B4GALT5: variants seen among roughly 807,000 people sequenced by gnomAD.
B4GALT5 encodes the protein beta-1,4-galactosyltransferase 5, also known as UDP-Gal:beta-GlcNAc beta-1,4-galactosyltransferase 5.
Under a neutral mutation model 45.0 loss-of-function variants are expected in B4GALT5, and 11 were observed. That is an observed-to-expected ratio of 0.24 (90% confidence interval 0.15 to 0.40). B4GALT5 has a LOEUF of 0.40. B4GALT5 is among the 10% of genes least tolerant of loss of function. B4GALT5 has a pLI of 1.00. For missense variants in B4GALT5, 337 were observed against 500.2 expected, an observed-to-expected ratio of 0.67 and a Z score of 3.11; for synonymous variants, 185 against 182.9, an observed-to-expected ratio of 1.01 and a Z score of -0.09.
At chr20:49,676,845 T>C (rs2085739497) in intron 1 of B4GALT5, among the ~76,000 whole-genome samples, 2 of 152,262 alleles carry the variant, frequency 1.3e-5, no homozygotes, top group Admixed American at 1.3e-4. Context: ...ACACATCCTC[T>C]GTGTCTAAGA....
Position 49,633,439 on chromosome 20 carries a change from G to GTTTGTT in B4GALT5, c.*2872_*2873insAACAAA, listed in dbSNP as rs1984427629. On this transcript the variant is annotated 3_prime_UTR_variant, in exon 9 of 9. Coordinates refer to ENST00000371711, the MANE Select transcript of B4GALT5 (RefSeq NM_004776.4). The stretch of plus-strand genomic sequence containing the variant: ...ATGCACAAGGTCACATTTGGTTCCT[G>GTTTGTT]TTTTTTTTTTTAACATGACAATTTC... The GTTTGTT allele has an allele frequency of 6.8e-6, 1 of 146,246 alleles. No homozygotes were observed. The highest frequency in any genetic ancestry group is 1.5e-5 in the Non-Finnish European group (1 of 66,606). 9.1% of individuals were successfully genotyped at this position (146,246 alleles called of 1,614,324 possible).
chr20:49,708,569 A>G (rs1011143028), intron 1 of B4GALT5, among the ~76,000 whole-genome samples: 4 of 152,344 alleles, frequency 2.6e-5, no homozygotes, highest in South Asian at 4.1e-4. Flanking sequence ...CAGGCCAAAA[A>G]TGTCAAAATC....
intron 1 of B4GALT5, among the ~76,000 whole-genome samples, chr20:49,696,703 A>G (rs751063323): frequency 1.3e-5 from 2 of 152,256 alleles, no homozygotes; most frequent in Non-Finnish European, 2.9e-5. Flanking sequence ...CACAAGTGAA[A>G]ACACTTGTGA....
chr20:49,691,249 GCTCACGC>G (rs765815284), intron 1 of B4GALT5, among the ~76,000 whole-genome samples: 3 of 152,170 alleles, frequency 2.0e-5, no homozygotes, highest in Non-Finnish European at 4.4e-5. Context: ...AGGAGCAGGG[GCTCACGC>G]CTGTAATCCC....
intron 1 of B4GALT5, among the ~76,000 whole-genome samples, chr20:49,690,560 A>AGG (rs529720451): frequency 1.4e-4 from 21 of 149,254 alleles, no homozygotes; most frequent in South Asian, 6.6e-4. Context: ...AAAAAAAAAA[A>AGG]GGGGGGGGTG....
chr20:49,707,148 T>C (rs2085887711), intron 1 of B4GALT5, among the ~76,000 whole-genome samples: 1 of 152,170 alleles, frequency 6.6e-6, no homozygotes, highest in Admixed American at 6.6e-5. Context: ...AACCAACCAC[T>C]TTCTTTCTAC....
chr20:49,635,533 C>G lies in B4GALT5; in HGVS notation c.*779G>C, dbSNP rs1349847573. ...GTGACATGCCCTATATCCACTCCCT[C>G]GCCAAAGTGACAGCAATTCGGGAGA... On this transcript the variant is annotated 3_prime_UTR_variant, in exon 9 of 9. Coordinates refer to ENST00000371711, the MANE Select transcript of B4GALT5 (RefSeq NM_004776.4). 6.6e-6 allele frequency: 1 copy of G among 152,336 alleles called. No homozygotes were observed. The highest frequency in any genetic ancestry group is 1.5e-5 in the Non-Finnish European group (1 of 68,042). The allele number at this position is 152,336 out of a possible 1,614,324, so 9.4% of individuals were successfully genotyped here.
chr20:49,642,147 C>CTGTA (rs2085579852), intron 5 of B4GALT5, among the ~76,000 whole-genome samples: 1 of 152,190 alleles, frequency 6.6e-6, no homozygotes, highest in Non-Finnish European at 1.5e-5. Context: ...ATCCTCTGTG[C>CTGTA]TGTACCTTGC....
At chr20:49,676,921 T>C (rs535228110) in intron 1 of B4GALT5, among the ~76,000 whole-genome samples, 2 of 152,386 alleles carry the variant, frequency 1.3e-5, no homozygotes, top group East Asian at 1.9e-4. Context: ...GGGATACTTC[T>C]GTATTCCACC....
chr20:49,694,837 G>GAT (rs1485544002), intron 1 of B4GALT5, among the ~76,000 whole-genome samples: 1 of 108,450 alleles, frequency 9.2e-6, no homozygotes, highest in African/African-American at 3.2e-5. Context: ...AAGACAGACA[G>GAT]ATACACACAC....
Position 49,664,421 on chromosome 20 carries a change from TACACACACACACACACAC to T in B4GALT5, c.116-7737_116-7720del, listed in dbSNP as rs55990435. Among the ~76,000 whole-genome samples the T allele has an allele frequency of 4.6e-3, 597 of 128,906 alleles. 6 individuals carry two copies. Among genetic ancestry groups the T allele is most frequent in the African/African-American group, 0.016 (548 of 34,004 alleles). The allele number at this position is 128,906 out of a possible 152,430, so 84.6% of individuals were successfully genotyped here. On this transcript the variant is annotated intron_variant, in intron 1 of 8. Coordinates refer to ENST00000371711, the MANE Select transcript of B4GALT5 (RefSeq NM_004776.4). ...TTTTTTTAGAGATGAGGTCTCCAAATACACACACACACACACACACACACACACACACACACACACACA... is the reference window on the plus strand; with the variant it reads ...TTTTTTTAGAGATGAGGTCTCCAAATACACACACACACACACACACACACA...
intron 2 of B4GALT5, among the ~76,000 whole-genome samples, chr20:49,652,830 G>A (rs1030004064): frequency 2.0e-5 from 3 of 152,166 alleles, no homozygotes; most frequent in Non-Finnish European, 4.4e-5. Flanking sequence ...CCTGAATGTG[G>A]GTATGTGCCT....
chr20:49,704,648 G>A, intron 1 of B4GALT5, among the ~76,000 whole-genome samples: 1 of 150,942 alleles, frequency 6.6e-6, no homozygotes, highest in Non-Finnish European at 1.5e-5. Flanking sequence ...GAACCCGGGA[G>A]GCGGAGCTTG....
intron 7 of B4GALT5, among the ~76,000 whole-genome samples, chr20:49,638,949 A>G (rs911129928): frequency 6.6e-6 from 1 of 152,184 alleles, no homozygotes; most frequent in East Asian, 1.9e-4. Flanking sequence ...ATGTTGATAT[A>G]AAAACAGTAA....
intron 1 of B4GALT5, among the ~76,000 whole-genome samples, chr20:49,690,487 T>C (rs1283081211): frequency 4.0e-5 from 6 of 151,030 alleles, no homozygotes; most frequent in African/African-American, 7.3e-5. Context: ...AGGCGGAGGT[T>C]GCAGTAAGCC....
chr20:49,691,183 T>G (rs919819388), intron 1 of B4GALT5, among the ~76,000 whole-genome samples: 1 of 152,146 alleles, frequency 6.6e-6, no homozygotes, highest in Non-Finnish European at 1.5e-5. Context: ...AAAATGACGG[T>G]GCGGGGCAAT....
intron 1 of B4GALT5, among the ~76,000 whole-genome samples, chr20:49,712,082 C>A (rs2085915019): frequency 6.6e-6 from 1 of 152,224 alleles, no homozygotes; most frequent in Non-Finnish European, 1.5e-5. Flanking sequence ...CTGAGGTTTC[C>A]TCATAGTGAT....
intron 7 of B4GALT5, 121 bp from the exon 8 acceptor site, chr20:49,637,563 G>A (rs1167014267): frequency 2.0e-5 from 14 of 685,412 alleles, no homozygotes; most frequent in Admixed American, 2.6e-5. Flanking sequence ...GCTCTCACCC[G>A]CTTAACTGAC....
intron 2 of B4GALT5, among the ~76,000 whole-genome samples, chr20:49,649,075 G>A (rs2085610500): frequency 6.6e-6 from 1 of 152,128 alleles, no homozygotes; most frequent in African/African-American, 2.4e-5. Flanking sequence ...CTAACACATT[G>A]AATCCTTTTA....
Sources: allele counts gnomAD v4.1 joint callset (sites outside exome capture counted in the v4.1 genomes callset), GRCh38; gene constraint gnomAD v4.1.1; transcripts MANE v1.5; gene names NCBI Gene and HGNC (gene_info 2026-07-23, HGNC 2026-07-21).